The following CHN1 variants were observed in gnomAD, a reference collection of about 807,000 sequenced individuals.
The protein encoded by CHN1 is chimerin 1, also known as N-chimaerin.
A neutral mutation model predicts 59.5 loss-of-function variants in CHN1; 37 were observed. The observed-to-expected ratio is 0.62, with a 90% confidence interval of 0.48 to 0.82. CHN1 has a LOEUF of 0.82. Ranked by LOEUF, CHN1 falls within the 40% of genes least tolerant of loss-of-function variation. The probability of loss-of-function intolerance (pLI) is 0.00; values close to 1 mark genes in which losing one functional copy is unlikely to be tolerated. For missense variants in CHN1, 469 were observed against 571.0 expected (o/e 0.82, Z 1.82); for synonymous variants, 206 against 200.4 (o/e 1.03, Z -0.24).
chr2:174,954,650 T>G (rs116547214), intron 1 of CHN1, among the ~76,000 whole-genome samples: 6,414 of 152,130 alleles, frequency 0.042, 475 homozygotes, highest in African/African-American at 0.15. Flanking sequence ...AATAAACAAT[T>G]TTTAAAAGAT....
At chr2:174,903,603 A>G (rs1688455535) in intron 5 of CHN1, among the ~76,000 whole-genome samples, 1 of 152,222 alleles carries the variant, frequency 6.6e-6, no homozygotes, top group Non-Finnish European at 1.5e-5. Flanking sequence ...TTTTTTAACC[A>G]TATCTATGTG....
intron 1 of CHN1, among the ~76,000 whole-genome samples, chr2:174,989,997 T>A (rs1282422660): frequency 6.6e-6 from 1 of 151,996 alleles, no homozygotes; most frequent in Non-Finnish European, 1.5e-5. Context: ...AAAAATTATT[T>A]CAAAAAAAAG....
At chr2:174,865,374 G>A (rs903696399) in intron 6 of CHN1, among the ~76,000 whole-genome samples, 7 of 152,008 alleles carry the variant, frequency 4.6e-5, no homozygotes, top group Admixed American at 2.0e-4. Flanking sequence ...TGATACTAAG[G>A]GGCATTGTGT....
chr2:174,801,090 T>C (rs1684705130), intron 12 of CHN1, among the ~76,000 whole-genome samples: 1 of 152,230 alleles, frequency 6.6e-6, no homozygotes. Flanking sequence ...TTGGAAATCT[T>C]TGCTTCAACT....
intron 3 of CHN1, among the ~76,000 whole-genome samples, chr2:174,926,003 A>T (rs1029200347): frequency 6.6e-6 from 1 of 152,204 alleles, no homozygotes. Context: ...GTTTGCATAA[A>T]TGTTATATGC....
At chr2:174,941,703 C>T (rs1266227671) in intron 3 of CHN1, among the ~76,000 whole-genome samples, 1 of 151,978 alleles carries the variant, frequency 6.6e-6, no homozygotes, top group Non-Finnish European at 1.5e-5. Flanking sequence ...TGGTTTAATC[C>T]TTCTGTGCTT....
At chr2:174,880,305 T>C (rs1310661352) in intron 5 of CHN1, among the ~76,000 whole-genome samples, 1 of 152,240 alleles carries the variant, frequency 6.6e-6, no homozygotes, top group African/African-American at 2.4e-5. Flanking sequence ...AAAGAAAAAC[T>C]GCATTATATT....
intron 6 of CHN1, among the ~76,000 whole-genome samples, chr2:174,866,731 T>C (rs1157925935): frequency 1.3e-5 from 2 of 152,210 alleles, no homozygotes; most frequent in Non-Finnish European, 2.9e-5. Flanking sequence ...TGGGCAACTC[T>C]AAAGTGTAGA....
At chr2:174,899,404 G>A (rs1197719757) in intron 5 of CHN1, among the ~76,000 whole-genome samples, 1 of 152,186 alleles carries the variant, frequency 6.6e-6, no homozygotes, top group African/African-American at 2.4e-5. Flanking sequence ...TCTAGATTGT[G>A]TAAAGAGGTC....
At chr2:174,878,202 A>C in intron 5 of CHN1, 74 bp from the exon 6 acceptor site, 1 of 1,324,092 alleles carries the variant, frequency 7.6e-7, no homozygotes, top group Non-Finnish European at 1.0e-6. Flanking sequence ...AAAAACAAAA[A>C]CAAAAAAAAA....
In CHN1 at chr2:175,005,112, C is replaced by T; in HGVS notation, c.-200G>A. 1.5e-6 allele frequency: 2 copies of T among 1,317,510 alleles called. No individual in the cohort carries two copies. The highest frequency in any genetic ancestry group is 1.9e-6 in the Non-Finnish European group (2 of 1,031,310). The allele number at this position is 1,317,510 out of a possible 1,614,324, so 81.6% of individuals were successfully genotyped here. The stretch of plus-strand genomic sequence containing the variant: ...GAAAAAGTTATTCACGCGTTATTGT[C>T]GGGCGCACCGGGCCCAGGGAGCCCC... On this transcript the variant is annotated 5_prime_UTR_variant, in exon 1 of 13. Coordinates refer to ENST00000409900, the MANE Select transcript of CHN1 (RefSeq NM_001822.7).
intron 8 of CHN1, among the ~76,000 whole-genome samples, chr2:174,820,621 G>A (rs1411708679): frequency 6.6e-6 from 1 of 152,164 alleles, no homozygotes; most frequent in Non-Finnish European, 1.5e-5. Flanking sequence ...GCACTGCGTG[G>A]TTTTGAATAG....
In CHN1 at chr2:174,807,442, C is replaced by CTGTGTG. The variant is rs1160787258; in HGVS notation, c.1102+1462_1102+1463insCACACA. ...TGTGGACTAGGCAGCTTTTCACGGG[C>CTGTGTG]TATCTGTGTGTGTGTGTGTGTGTGT... On this transcript the variant is annotated intron_variant, in intron 11 of 12. Transcript: ENST00000409900. Among the ~76,000 whole-genome samples the CTGTGTG allele has an allele frequency of 2.6e-5, 3 of 114,196 alleles. No homozygotes were observed. In the East Asian group the frequency reaches 8.9e-4, roughly 34 times the overall value. 74.9% of individuals were successfully genotyped at this position (114,196 alleles called of 152,430 possible). A position where few individuals can be genotyped will look rare whatever the true frequency, so the allele number is the denominator to read the frequency against.
intron 7 of CHN1, among the ~76,000 whole-genome samples, chr2:174,840,559 T>C (rs1000438868): frequency 7.9e-5 from 12 of 152,148 alleles, no homozygotes; most frequent in Non-Finnish European, 1.3e-4. Context: ...TCAAGGACCG[T>C]ACATTACATA....
chr2:174,990,279 G>C (rs1364676566), intron 1 of CHN1, among the ~76,000 whole-genome samples: 2 of 134,522 alleles, frequency 1.5e-5, no homozygotes, highest in African/African-American at 5.4e-5. Flanking sequence ...GAGAGAGAGA[G>C]AGAGAGAGCG....
intron 3 of CHN1, among the ~76,000 whole-genome samples, chr2:174,932,984 C>A (rs1689393857): frequency 6.6e-6 from 1 of 152,116 alleles, no homozygotes; most frequent in Non-Finnish European, 1.5e-5. Flanking sequence ...CAAAGATAGA[C>A]CCAATATGAC....
chr2:174,923,533 C>T (rs533617377), intron 3 of CHN1, among the ~76,000 whole-genome samples: 15 of 150,740 alleles, frequency 1.0e-4, no homozygotes, highest in South Asian at 8.3e-4. Flanking sequence ...GAAGAGATCA[C>T]GACCTTTCCT....
At chr2:174,892,773 G>A (rs563071714) in intron 5 of CHN1, among the ~76,000 whole-genome samples, 4 of 152,184 alleles carry the variant, frequency 2.6e-5, no homozygotes, top group South Asian at 2.1e-4. Flanking sequence ...ACATGACCAC[G>A]TGAAATTTAC....
At chr2:174,946,616 AAGGG>A (rs1484724514) in intron 2 of CHN1, among the ~76,000 whole-genome samples, 2 of 152,188 alleles carry the variant, frequency 1.3e-5, no homozygotes, top group African/African-American at 4.8e-5. Flanking sequence ...AGATGACAAA[AAGGG>A]AGTTAATTCT....
Sources: allele counts gnomAD v4.1 joint callset (sites outside exome capture counted in the v4.1 genomes callset), GRCh38; gene constraint gnomAD v4.1.1; transcripts MANE v1.5; gene names NCBI Gene and HGNC (gene_info 2026-07-23, HGNC 2026-07-21).